The following KIF26B variants were observed in gnomAD, a reference collection of about 807,000 sequenced individuals.
The protein encoded by KIF26B is kinesin-like protein KIF26B.
Under a neutral mutation model 151.2 loss-of-function variants are expected in KIF26B, and 63 were observed. That is an observed-to-expected ratio of 0.42 (90% CI 0.34 to 0.51). KIF26B has a LOEUF of 0.51. Among genes scored for constraint, KIF26B ranks in the 20% least tolerant of loss-of-function variants. The pLI is 0.07. For missense variants in KIF26B, 2,813 were observed against 2,913.6 expected (o/e 0.97, Z 0.79); for synonymous variants, 1,357 against 1,262.1 (o/e 1.08, Z -1.59).
At chr1:245,216,890 G>A (rs1421197331) in intron 2 of KIF26B, among the ~76,000 whole-genome samples, 3 of 152,268 alleles carry the variant, frequency 2.0e-5, no homozygotes, top group African/African-American at 7.2e-5. Flanking sequence ...ATATAAAATC[G>A]TTTCACTTTT....
At chr1:245,300,322 G>A (rs1412271164) in intron 2 of KIF26B, among the ~76,000 whole-genome samples, 3 of 152,122 alleles carry the variant, frequency 2.0e-5, no homozygotes, top group Admixed American at 6.5e-5. Context: ...TGGCTGCCCG[G>A]CCAGAGTCTG....
chr1:245,447,065 A>G (rs1384564690), intron 4 of KIF26B, among the ~76,000 whole-genome samples: 2 of 152,156 alleles, frequency 1.3e-5, no homozygotes, highest in African/African-American at 2.4e-5. Flanking sequence ...GAACCTGCCT[A>G]CAGATGCAGC....
At chr1:245,511,078 C>T (rs777739731) in intron 4 of KIF26B, 2 of 716,830 alleles carry the variant, frequency 2.8e-6, no homozygotes, top group Admixed American at 2.0e-5. Flanking sequence ...ATGGATTCTG[C>T]ACTTGATTAT....
intron 4 of KIF26B, among the ~76,000 whole-genome samples, chr1:245,515,250 T>C (rs757704521): frequency 1.3e-5 from 2 of 152,120 alleles, no homozygotes; most frequent in Non-Finnish European, 2.9e-5. Context: ...CTTCTCTCCT[T>C]CTATGAGACT....
At chr1:245,466,185 A>ATGTTTGTT (rs3068316) in intron 4 of KIF26B, among the ~76,000 whole-genome samples, 14 of 151,272 alleles carry the variant, frequency 9.3e-5, no homozygotes, top group African/African-American at 3.4e-4. Flanking sequence ...ATCGATGGGA[A>ATGTTTGTT]TGTTTGTTTG....
intron 4 of KIF26B, among the ~76,000 whole-genome samples, chr1:245,459,651 G>A (rs949083752): frequency 6.6e-6 from 1 of 152,188 alleles, no homozygotes; most frequent in Non-Finnish European, 1.5e-5. Flanking sequence ...AAGAATCTCA[G>A]GGTTGGCTGT....
chr1:245,553,200 A>T (rs1661935225), intron 5 of KIF26B, among the ~76,000 whole-genome samples: 1 of 152,220 alleles, frequency 6.6e-6, no homozygotes, highest in East Asian at 1.9e-4. Flanking sequence ...TTTACACTGG[A>T]GGAAGCTGGA....
At chr1:245,618,487 C>T (rs564749037) in intron 9 of KIF26B, among the ~76,000 whole-genome samples, 1 of 148,980 alleles carries the variant, frequency 6.7e-6, no homozygotes, top group South Asian at 2.1e-4. Flanking sequence ...GCTGTGTCCG[C>T]TGCGTCAGTG....
chr1:245,501,223 C>T (rs1660613428), intron 4 of KIF26B, among the ~76,000 whole-genome samples: 1 of 152,166 alleles, frequency 6.6e-6, no homozygotes, highest in Admixed American at 6.5e-5. Flanking sequence ...TTGGCCTTGC[C>T]ACTTACGAGC....
intron 4 of KIF26B, among the ~76,000 whole-genome samples, chr1:245,534,344 A>G (rs917374869): frequency 1.3e-5 from 2 of 151,756 alleles, no homozygotes; most frequent in Non-Finnish European, 2.9e-5. Flanking sequence ...TGTATTTTCA[A>G]TAGAGATGGG....
intron 2 of KIF26B, among the ~76,000 whole-genome samples, chr1:245,293,995 C>G (rs1414592529): frequency 6.6e-6 from 1 of 152,068 alleles, no homozygotes; most frequent in Non-Finnish European, 1.5e-5. Flanking sequence ...AGTTAAAACT[C>G]TGATTTTCCA....
intron 2 of KIF26B, among the ~76,000 whole-genome samples, chr1:245,196,356 C>G (rs1026074568): frequency 1.3e-5 from 2 of 152,116 alleles, no homozygotes; most frequent in South Asian, 2.1e-4. Flanking sequence ...CTGAAAACAA[C>G]CTTCCACTGT....
In KIF26B at chr1:245,512,209, C is replaced by G. The variant is rs1277165537; in HGVS notation, c.1167-28558C>G. 6.6e-6 allele frequency among the ~76,000 whole-genome samples: 1 copy of G among 152,164 alleles called. No individual in the cohort carries two copies. Among genetic ancestry groups the G allele is most frequent in the Non-Finnish European group, 1.5e-5 (1 of 68,032 alleles). ...AATAAGAGTCGTGAGTTTTTCTGAG[C>G]TATCATTGCCTTTCTCTGTCTATCA... On this transcript the variant is annotated intron_variant, in intron 4 of 14. Transcript: ENST00000407071. This position sits in a 1 kb window ranked among gnomAD's most constrained non-coding sequence, Gnocchi z 4.3.
At chr1:245,561,634 C>T (rs1156659663) in intron 5 of KIF26B, among the ~76,000 whole-genome samples, 2 of 152,206 alleles carry the variant, frequency 1.3e-5, no homozygotes, top group Non-Finnish European at 1.5e-5. Flanking sequence ...TGTACATCAA[C>T]TCATTTGCAT....
chr1:245,631,954 G>A (rs116770234), intron 9 of KIF26B, among the ~76,000 whole-genome samples: 4,126 of 151,754 alleles, frequency 0.027, 69 homozygotes, highest in Non-Finnish European at 0.043. Flanking sequence ...TTCTTGGTTA[G>A]TCTAACAGTT....
chr1:245,230,165 A>C (rs562055496), intron 2 of KIF26B, among the ~76,000 whole-genome samples: 24 of 151,952 alleles, frequency 1.6e-4, no homozygotes, highest in East Asian at 3.9e-4. Flanking sequence ...AAAAAAAAAA[A>C]AACAACAACA....
rs1370791574 is a variant in KIF26B, at chr1:245,474,418, G to T, written c.1166+54673G>T. Among the ~76,000 whole-genome samples the T allele has an allele frequency of 8.0e-3, 1,120 of 140,446 alleles. 27 individuals are homozygous for T. The highest frequency in any genetic ancestry group is 0.013 in the Non-Finnish European group (836 of 63,742). 92.1% of individuals were successfully genotyped at this position (140,446 alleles called of 152,430 possible). On this transcript the variant is annotated intron_variant, in intron 4 of 14. Transcript: ENST00000407071. Reference sequence around the variant, plus strand: ...CCACTGCTCCTGGCTTTTTTTTGTTGTTGTTTTTTTTTTTTTGGAGTCTCA... The same window carrying T: ...CCACTGCTCCTGGCTTTTTTTTGTTTTTGTTTTTTTTTTTTTGGAGTCTCA...
At chr1:245,653,817 T>A (rs1377698806) in intron 10 of KIF26B, among the ~76,000 whole-genome samples, 2 of 152,146 alleles carry the variant, frequency 1.3e-5, no homozygotes, top group Admixed American at 1.3e-4. Flanking sequence ...CTCAGCACTT[T>A]GGAAGGCCTA....
intron 4 of KIF26B, among the ~76,000 whole-genome samples, chr1:245,459,599 G>A (rs1478615962): frequency 2.0e-5 from 3 of 152,190 alleles, no homozygotes; most frequent in African/African-American, 4.8e-5. Flanking sequence ...TTTGTCACTA[G>A]GAAGACAGGG....
Sources: gnomAD v4.1 joint callset for allele counts (sites outside exome capture counted in the v4.1 genomes callset) on GRCh38, gnomAD v4.1.1 for gene constraint, Gnocchi (gnomAD v3.1) non-coding constraint, MANE v1.5 for transcripts, NCBI Gene and HGNC (gene_info 2026-07-23, HGNC 2026-07-21) for gene names.